Variants in ANK1 observed in about 807,000 individuals in gnomAD.
ANK1 encodes the protein ankyrin-1.
ANK1 carries 51 observed loss-of-function variants against 210.4 expected under a neutral mutation model. The ratio of observed to expected loss-of-function variants is 0.24; its 90% CI spans 0.19 to 0.31. The LOEUF (loss-of-function observed/expected upper bound fraction) is 0.31. Ranked by LOEUF, ANK1 falls within the 10% of genes least tolerant of loss-of-function variation. ANK1 has a pLI of 1.00. For missense variants in ANK1, 2,051 were observed against 2,504.4 expected (o/e 0.82, Z 3.86); for synonymous variants, 967 against 1,025.9 (o/e 0.94, Z 1.10).
At chr8:41,772,346 A>T (rs1181626105) in intron 1 of ANK1, among the ~76,000 whole-genome samples, 1 of 152,204 alleles carries the variant, frequency 6.6e-6, no homozygotes, top group Non-Finnish European at 1.5e-5. Context: ...TCTCTCCAAT[A>T]TTGGGAGAAT....
chr8:41,716,404 T>C (rs1827688943), intron 13 of ANK1, among the ~76,000 whole-genome samples: 2 of 151,894 alleles, frequency 1.3e-5, no homozygotes, highest in Non-Finnish European at 2.9e-5. Flanking sequence ...CTGGGCCAGG[T>C]CTCATGGGGC....
At chr8:41,776,231 G>C (rs1011064309) in intron 1 of ANK1, among the ~76,000 whole-genome samples, 2 of 152,208 alleles carry the variant, frequency 1.3e-5, no homozygotes, top group South Asian at 4.2e-4. Context: ...AGGTGCAACC[G>C]GGGCATCTTT....
At chr8:41,786,691 C>T (rs1380233166) in intron 1 of ANK1, among the ~76,000 whole-genome samples, 1 of 152,182 alleles carries the variant, frequency 6.6e-6, no homozygotes. Context: ...GTCGGTGCCA[C>T]ACACTAGTGT....
chr8:41,817,119 G>A (rs1803479876), intron 1 of ANK1, among the ~76,000 whole-genome samples: 1 of 151,076 alleles, frequency 6.6e-6, no homozygotes, highest in Admixed American at 6.6e-5. Context: ...TTTAACCTGA[G>A]AATCATCTCC....
intron 1 of ANK1, among the ~76,000 whole-genome samples, chr8:41,780,242 T>C (rs753772681): frequency 2.0e-5 from 3 of 152,156 alleles, no homozygotes; most frequent in Non-Finnish European, 4.4e-5. Flanking sequence ...TCTTGCTATG[T>C]TGCCCAGTCT....
intron 1 of ANK1, among the ~76,000 whole-genome samples, chr8:41,869,753 A>G (rs1270007430): frequency 6.6e-6 from 1 of 152,208 alleles, no homozygotes; most frequent in Non-Finnish European, 1.5e-5. Context: ...TCCATAGGCC[A>G]CGTCAGCTGA....
chr8:41,742,536 C>T (rs1336178348), intron 2 of ANK1, among the ~76,000 whole-genome samples: 4 of 152,216 alleles, frequency 2.6e-5, no homozygotes, highest in African/African-American at 9.6e-5. Context: ...CTGAAATTCA[C>T]TGCTCAGTCC....
intron 35 of ANK1, among the ~76,000 whole-genome samples, chr8:41,687,656 C>T (rs947054333): frequency 3.9e-5 from 6 of 152,206 alleles, no homozygotes; most frequent in Non-Finnish European, 5.9e-5. Context: ...GCTGCAACCC[C>T]GTGTCTCCGT....
At chr8:41,703,422 G>GTGTGTGTATA (rs1286560913) in intron 20 of ANK1, among the ~76,000 whole-genome samples, 19 of 53,752 alleles carry the variant, frequency 3.5e-4, no homozygotes, top group South Asian at 1.4e-3. Flanking sequence ...GTGTGTGTGT[G>GTGTGTGTATA]TATATATATA....
At chr8:41,670,545 C>T (rs544193889) in intron 38 of ANK1, among the ~76,000 whole-genome samples, 1 of 152,336 alleles carries the variant, frequency 6.6e-6, no homozygotes, top group East Asian at 1.9e-4. Context: ...GCCTAAGCTC[C>T]ATCTGTTCAA....
At chr8:41,791,437 CTCTT>C (rs1352124509) in intron 1 of ANK1, among the ~76,000 whole-genome samples, 11 of 150,322 alleles carry the variant, frequency 7.3e-5, no homozygotes, top group Middle Eastern at 3.5e-3. Context: ...CTTTCTCTCT[CTCTT>C]TCTTTCTTTT....
At chr8:41,791,140 G>GAGA (rs564284009) in intron 1 of ANK1, among the ~76,000 whole-genome samples, 1,533 of 151,510 alleles carry the variant, frequency 0.01, 18 homozygotes, top group Non-Finnish European at 0.016. Context: ...CCTAGGTGTG[G>GAGA]AGAAGGGCTG....
intron 1 of ANK1, among the ~76,000 whole-genome samples, chr8:41,859,288 A>AGAG (rs1280561173): frequency 6.6e-6 from 1 of 152,134 alleles, no homozygotes; most frequent in Non-Finnish European, 1.5e-5. Context: ...CTCCAACAAA[A>AGAG]GTTGAGTCTC....
chr8:41,846,435 G>A (rs537580791), intron 1 of ANK1, among the ~76,000 whole-genome samples: 2 of 152,350 alleles, frequency 1.3e-5, no homozygotes, highest in East Asian at 1.9e-4. Context: ...GCCAAGGCCC[G>A]TGTGGGCTGC....
intron 1 of ANK1, among the ~76,000 whole-genome samples, chr8:41,763,051 A>G (rs1289742212): frequency 1.3e-5 from 2 of 152,122 alleles, no homozygotes; most frequent in Admixed American, 1.3e-4. Flanking sequence ...CCACATCTCT[A>G]TTAAAAATAG....
At chr8:41,689,089 A>G (rs1474818022) in intron 33 of ANK1, among the ~76,000 whole-genome samples, 1 of 151,998 alleles carries the variant, frequency 6.6e-6, no homozygotes, top group Non-Finnish European at 1.5e-5. Context: ...GCATCCGAAC[A>G]TTTGCCCAAG....
chr8:41,865,811 G>A (rs1404079404), intron 1 of ANK1, among the ~76,000 whole-genome samples: 3 of 151,826 alleles, frequency 2.0e-5, no homozygotes, highest in African/African-American at 4.8e-5. Flanking sequence ...CCCAGGACTC[G>A]CCTCCTAATC....
In ANK1 at chr8:41,831,639, C is replaced by CAA. The variant is rs143137281; in HGVS notation, c.126+64714_126+64715dup. The stretch of plus-strand genomic sequence containing the variant: ...ACTCCAGTGCAGAGCAAAAGTCTGT[C>CAA]AAAAAAAAAAAAAAAAGAAGAAGAA... On this transcript the variant is annotated intron_variant, in intron 1 of 42. Transcript: ENST00000265709. Among the ~76,000 whole-genome samples the CAA allele has an allele frequency of 2.1e-4, 12 of 58,398 alleles. No homozygotes were observed. In the South Asian group the frequency reaches 2.6e-3, roughly 13 times the overall value. The allele number at this position is 58,398 out of a possible 152,430, so 38.3% of individuals were successfully genotyped here. A position where few individuals can be genotyped will look rare whatever the true frequency, so the allele number is the denominator to read the frequency against.
intron 2 of ANK1, among the ~76,000 whole-genome samples, chr8:41,742,301 G>C (rs891890415): frequency 4.6e-5 from 7 of 152,218 alleles, no homozygotes; most frequent in African/African-American, 1.7e-4. Flanking sequence ...AACTCTTCCT[G>C]TCAAGAGAAG....
Sources: gnomAD v4.1 joint callset for allele counts (sites outside exome capture counted in the v4.1 genomes callset) on GRCh38, gnomAD v4.1.1 for gene constraint, MANE v1.5 for transcripts, NCBI Gene and HGNC (gene_info 2026-07-23, HGNC 2026-07-21) for gene names.